The following KMT2E variants were observed in gnomAD, a reference collection of about 807,000 sequenced individuals.
KMT2E encodes the protein lysine methyltransferase 2E (inactive).
A neutral mutation model predicts 184.6 loss-of-function variants in KMT2E; 30 were observed. The observed-to-expected ratio is 0.16, with a 90% CI of 0.12 to 0.22. The LOEUF is 0.22. Ranked by LOEUF, KMT2E falls within the 10% of genes least tolerant of loss-of-function variation. The probability of loss-of-function intolerance (pLI) is 1.00; values close to 1 mark genes in which losing one functional copy is unlikely to be tolerated. For synonymous variants in KMT2E, 815 were observed against 776.5 expected (o/e 1.05, Z -0.82); for missense variants, 2,023 against 2,237.4 (o/e 0.90, Z 1.93).
At chr7:105,055,402 A>T (rs1363721961) in intron 3 of KMT2E, among the ~76,000 whole-genome samples, 2 of 151,930 alleles carry the variant, frequency 1.3e-5, no homozygotes, top group Admixed American at 1.3e-4. Flanking sequence ...TCTTAGCTGG[A>T]TACGCAGGGT....
At position 105,112,957 on chromosome 7, in the gene KMT2E, C is replaced by T. The variant is rs777385405; in HGVS notation, c.5201C>T (p.Thr1734Ile). Residue 1734 changes from threonine (T) to isoleucine (I), a missense_variant, in exon 27 of 27, where the codon ACA becomes ATA. By Grantham distance (89) the Thr-to-Ile change is moderately conservative. Coordinates refer to ENST00000311117, the MANE Select transcript of KMT2E (RefSeq NM_182931.3). ...GTTTTGGCTTCTGGGCATCATACCA[C>T]ATCAGCTCAAGCCTTACACCACCCA... is the stretch of plus-strand genomic sequence containing the variant. ...SSVLASGHHTTSAQALHHPPH... is the reference protein window; with the variant it reads ...SSVLASGHHTISAQALHHPPH... 4.3e-6 allele frequency: 7 copies of T among 1,613,880 alleles called. No homozygotes were observed. The Admixed American group carries it at 8.3e-5, about 19-fold the overall frequency.
At position 105,106,791 on chromosome 7, in the gene KMT2E, G is replaced by GA. The variant is rs748982485; in HGVS notation, c.2847+28dup. On this transcript the variant is annotated intron_variant, in intron 20 of 26. Transcript: ENST00000311117. The stretch of plus-strand genomic sequence containing the variant: ...CTTTGAGGTGAGAAATTTTAATGGA[G>GA]AAAAAAAAATTCAACACTTGGGGGG... The GA allele has an allele frequency of 1.9e-4, 305 of 1,583,310 alleles. No individual in the cohort carries two copies. The highest frequency in any genetic ancestry group is 3.4e-4 in the Middle Eastern group (2 of 5,910).
chr7:105,095,386 A>G (rs953023615), intron 15 of KMT2E, among the ~76,000 whole-genome samples: 1 of 152,142 alleles, frequency 6.6e-6, no homozygotes, highest in African/African-American at 2.4e-5. Context: ...CCAGGGGGAA[A>G]TCTTGGAGAG....
rs548694618 is a variant in KMT2E at position 105,085,918 on chromosome 7, C to A, written c.1359-4091C>A. 3.9e-5 allele frequency among the ~76,000 whole-genome samples: 6 copies of A among 152,270 alleles called. No individual in the cohort carries two copies. In the South Asian group the frequency reaches 1.2e-3, roughly 32 times the overall value. ...CCATCCCCTGACCTCATGGTCCGCCCGCCTCGGCCTCCCAAAGTGTTGAGA... is the reference window on the plus strand; with the variant it reads ...CCATCCCCTGACCTCATGGTCCGCCAGCCTCGGCCTCCCAAAGTGTTGAGA... On this transcript the variant is annotated intron_variant, in intron 13 of 26. Coordinates refer to ENST00000311117, the MANE Select transcript of KMT2E (RefSeq NM_182931.3).
chr7:105,053,309 A>C (rs893303420), intron 3 of KMT2E, among the ~76,000 whole-genome samples: 2 of 152,154 alleles, frequency 1.3e-5, no homozygotes, highest in Non-Finnish European at 2.9e-5. Context: ...ATTGAGACAT[A>C]ACGTAGGAAG....
intron 1 of KMT2E, among the ~76,000 whole-genome samples, chr7:105,020,860 A>G (rs181387799): frequency 7.2e-5 from 11 of 152,244 alleles, no homozygotes; most frequent in Admixed American, 6.5e-5. Flanking sequence ...TGAAAAGAAA[A>G]GAATTAACCA....
chr7:105,069,858 A>T (rs987804147), intron 6 of KMT2E, among the ~76,000 whole-genome samples: 2 of 152,056 alleles, frequency 1.3e-5, no homozygotes, highest in East Asian at 3.9e-4. Context: ...GTTATTCTGT[A>T]ATCGATTTCT....
intron 3 of KMT2E, among the ~76,000 whole-genome samples, chr7:105,042,442 A>C (rs1008622576): frequency 2.6e-5 from 4 of 152,250 alleles, no homozygotes; most frequent in Non-Finnish European, 5.9e-5. Context: ...CAGCTCCCCT[A>C]CTTTGAGCAA....
At chr7:105,089,896 ATAAT>A (rs1798130888) in intron 13 of KMT2E, 109 bp from the exon 14 acceptor site, 1 of 1,463,166 alleles carries the variant, frequency 6.8e-7, no homozygotes, top group Non-Finnish European at 9.2e-7. Flanking sequence ...AGGATTGCTT[ATAAT>A]TAATAGTAAT....
At position 105,081,786 on chromosome 7, in the gene KMT2E, C is replaced by T. The variant is rs768742145; in HGVS notation, c.1347C>T (p.Asp449=). The T allele has an allele frequency of 3.5e-6, 5 of 1,420,830 alleles. No individual in the cohort carries two copies. The South Asian group carries it at 6.1e-5, about 17-fold the overall frequency. 88.0% of individuals were successfully genotyped at this position (1,420,830 alleles called of 1,614,324 possible). The change falls in exon 13 of 27, where the codon GAC becomes GAT. Residue 449 remains aspartate, a synonymous_variant. Coordinates refer to ENST00000311117, the MANE Select transcript of KMT2E (RefSeq NM_182931.3). ...AAATTACTATTGCCTTTGATTTTGACTATGGAAATTGGTGAGTTCAAGTCT... is the reference window on the plus strand; with the variant it reads ...AAATTACTATTGCCTTTGATTTTGATTATGGAAATTGGTGAGTTCAAGTCT... The part of the protein sequence containing the change: ...GTEITIAFDF[D]YGNCKYKVDC...
chr7:105,027,732 C>T (rs956084435), intron 1 of KMT2E, among the ~76,000 whole-genome samples: 1 of 151,890 alleles, frequency 6.6e-6, no homozygotes, highest in Admixed American at 6.6e-5. Context: ...CTTGGGATAT[C>T]GTAAGTCTTG....
At chr7:105,055,016 T>C (rs1167200593) in intron 3 of KMT2E, among the ~76,000 whole-genome samples, 1 of 152,142 alleles carries the variant, frequency 6.6e-6, no homozygotes, top group African/African-American at 2.4e-5. Flanking sequence ...GAGGTAGTAC[T>C]TTTTACCTTC....
chr7:105,103,285 A>G (rs1236665881), intron 17 of KMT2E: 1 of 152,210 alleles, frequency 6.6e-6, no homozygotes, highest in Non-Finnish European at 1.5e-5. Flanking sequence ...TCTACATCCT[A>G]TCTGATTCTC....
intron 13 of KMT2E, among the ~76,000 whole-genome samples, chr7:105,084,362 C>A (rs1797878403): frequency 6.6e-6 from 1 of 152,176 alleles, no homozygotes; most frequent in African/African-American, 2.4e-5. Flanking sequence ...TGCGGTGGCT[C>A]ACACCTGTAA....
intron 1 of KMT2E, among the ~76,000 whole-genome samples, chr7:105,029,070 G>T (rs1795291467): frequency 6.6e-6 from 1 of 152,018 alleles, no homozygotes; most frequent in Non-Finnish European, 1.5e-5. Flanking sequence ...TTCGAGACTA[G>T]CCTGGCCAAC....
chr7:105,025,274 T>C (rs907758234), intron 1 of KMT2E, among the ~76,000 whole-genome samples: 2 of 152,144 alleles, frequency 1.3e-5, no homozygotes, highest in Non-Finnish European at 2.9e-5. Flanking sequence ...CTTTTGTTTC[T>C]TGGTCTGCAA....
chr7:105,110,969 C>CA, intron 26 of KMT2E, 101 bp downstream of exon 26: 1 of 780,074 alleles, frequency 1.3e-6, no homozygotes, highest in Non-Finnish European at 2.2e-6. Flanking sequence ...TATCAAGTAT[C>CA]AACTTGTGAC....
intron 17 of KMT2E, chr7:105,104,187 A>G (rs1798791726): frequency 6.6e-6 from 1 of 152,178 alleles, no homozygotes; most frequent in Admixed American, 6.5e-5. Flanking sequence ...CTAGGTAACA[A>G]TATGAATGGT....
At chr7:105,015,140 G>A (rs1794660151) in intron 1 of KMT2E, among the ~76,000 whole-genome samples, 1 of 152,066 alleles carries the variant, frequency 6.6e-6, no homozygotes, top group African/African-American at 2.4e-5. Context: ...CCAGTACCCA[G>A]CCTTCTCAGT....
Sources: allele counts gnomAD v4.1 joint callset (sites outside exome capture counted in the v4.1 genomes callset), GRCh38; gene constraint gnomAD v4.1.1; transcripts MANE v1.5; gene names NCBI Gene and HGNC (gene_info 2026-07-23, HGNC 2026-07-21).